The following HACD2 variants were observed in gnomAD, a reference collection of about 807,000 sequenced individuals.
The protein encoded by HACD2 is very-long-chain (3R)-3-hydroxyacyl-CoA dehydratase 2.
Under a neutral mutation model 31.0 loss-of-function variants are expected in HACD2, and 15 were observed. That is an observed-to-expected ratio of 0.48 (90% CI 0.32 to 0.75). The LOEUF is 0.75. HACD2 is among the 30% of genes least tolerant of loss of function. The pLI, the probability that HACD2 is intolerant of heterozygous loss-of-function variation, is 0.03. For synonymous variants in HACD2, 115 were observed against 122.2 expected, an observed-to-expected ratio of 0.94 and a Z score of 0.39; for missense variants, 283 against 313.0, an observed-to-expected ratio of 0.90 and a Z score of 0.72.
chr3:123,552,479 G>C (rs2056629944), intron 3 of HACD2, among the ~76,000 whole-genome samples: 1 of 152,168 alleles, frequency 6.6e-6, no homozygotes, highest in Non-Finnish European at 1.5e-5. Flanking sequence ...TTGCAAACTA[G>C]GGATCTTATA....
chr3:123,558,465 G>A (rs1199603232), intron 3 of HACD2, among the ~76,000 whole-genome samples: 1 of 152,180 alleles, frequency 6.6e-6, no homozygotes, highest in Non-Finnish European at 1.5e-5. Context: ...TACTACTCTG[G>A]TTGGGGATGT....
chr3:123,544,370 AG>A (rs879544162), intron 3 of HACD2, among the ~76,000 whole-genome samples: 1 of 152,216 alleles, frequency 6.6e-6, no homozygotes, highest in African/African-American at 2.4e-5. Context: ...ATGAATGTTC[AG>A]GTACAAGAAG....
At chr3:123,575,724 A>G (rs2056901532) in intron 2 of HACD2, among the ~76,000 whole-genome samples, 1 of 152,228 alleles carries the variant, frequency 6.6e-6, no homozygotes, top group Non-Finnish European at 1.5e-5. Context: ...CAGGAACCTA[A>G]TATTTCCTAC....
intron 4 of HACD2, among the ~76,000 whole-genome samples, chr3:123,516,235 T>A (rs1233699742): frequency 1.1e-4 from 1 of 9,292 alleles, no homozygotes. Context: ...TGCAACATAT[T>A]TTTTTTTTTT....
At chr3:123,515,769 T>G (rs558333784) in intron 4 of HACD2, among the ~76,000 whole-genome samples, 109 of 152,284 alleles carry the variant, frequency 7.2e-4, no homozygotes, top group Non-Finnish European at 1.2e-3. Flanking sequence ...TTTTTGTTTT[T>G]TTTTGAGACG....
At position 123,502,632 on chromosome 3, in the gene HACD2, G is replaced by A. The variant is rs760461596; in HGVS notation, c.431C>T (p.Thr144Met). 3.8e-5 allele frequency: 61 copies of A among 1,607,470 alleles called. No individual in the cohort carries two copies. Among genetic ancestry groups the A allele is most frequent in the Non-Finnish European group, 4.8e-5 (57 of 1,176,920 alleles). ...VLLFVIAWTITEIIRYSFYTF... is the reference protein window; with the variant it reads ...VLLFVIAWTIMEIIRYSFYTF... ...ATAAAAGGAGTAACGGATGATTTCC[G>A]TGATCGTCCATGCAATAACAAACAG... is the stretch of plus-strand genomic sequence containing the variant. Residue 144 changes from threonine (T) to methionine (M), a missense_variant, in exon 5 of 7, where the codon ACG becomes ATG. Physicochemically the swap from Thr to Met is moderately conservative, Grantham distance 81. Transcript: ENST00000383657.
rs1020114561 is a variant in HACD2, at chr3:123,543,827, C to T, written c.293-15353G>A. On this transcript the variant is annotated intron_variant, in intron 3 of 6. Transcript: ENST00000383657. ...TTTTTCTTTTCATTAAAAAGAATTC[C>T]GTTGCTATATTTATAATTTATTTGT... 82 of 187,668 alleles carry T rather than the reference C, an allele frequency of 4.4e-4. 1 individual carries two copies. Among genetic ancestry groups the T allele is most frequent in the Middle Eastern group, 4.4e-3 (8 of 1,836 alleles). The allele number at this position is 187,668 out of a possible 1,614,324, so 11.6% of individuals were successfully genotyped here.
intron 3 of HACD2, among the ~76,000 whole-genome samples, chr3:123,546,914 A>G (rs1031114231): frequency 3.9e-5 from 6 of 152,168 alleles, no homozygotes; most frequent in African/African-American, 1.2e-4. Context: ...TGGTGTAATA[A>G]TTTTTTTCTG....
At chr3:123,573,046 G>C (rs959192683) in intron 2 of HACD2, among the ~76,000 whole-genome samples, 1 of 152,178 alleles carries the variant, frequency 6.6e-6, no homozygotes, top group Non-Finnish European at 1.5e-5. Flanking sequence ...GAGAGGATAC[G>C]CTGAGCTGGG....
At chr3:123,503,081 T>C (rs2055925346) in intron 4 of HACD2, among the ~76,000 whole-genome samples, 1 of 152,062 alleles carries the variant, frequency 6.6e-6, no homozygotes, top group Non-Finnish European at 1.5e-5. Flanking sequence ...CTGGCCAACA[T>C]GGTAACACCC....
intron 2 of HACD2, among the ~76,000 whole-genome samples, chr3:123,569,857 C>T (rs183817653): frequency 1.6e-4 from 24 of 151,906 alleles, no homozygotes; most frequent in African/African-American, 4.3e-4. Flanking sequence ...GGCATAGTGG[C>T]GCATGCCTGT....
intron 3 of HACD2, among the ~76,000 whole-genome samples, chr3:123,541,710 C>G (rs368614957): frequency 2.0e-5 from 3 of 152,070 alleles, no homozygotes; most frequent in African/African-American, 7.2e-5. Context: ...ATAGATAGTT[C>G]AATATAACAA....
At chr3:123,541,525 T>C (rs1301810182) in intron 3 of HACD2, among the ~76,000 whole-genome samples, 3 of 152,128 alleles carry the variant, frequency 2.0e-5, no homozygotes, top group South Asian at 2.1e-4. Flanking sequence ...AAAAAAGGCA[T>C]CCATGGGAAA....
chr3:123,583,120 A>G (rs925334956), intron 1 of HACD2, among the ~76,000 whole-genome samples: 10 of 152,202 alleles, frequency 6.6e-5, no homozygotes, highest in Non-Finnish European at 1.5e-4. Flanking sequence ...ATTTCCAAAA[A>G]CTATCACATA....
At chr3:123,559,370 A>T (rs2056703944) in intron 3 of HACD2, among the ~76,000 whole-genome samples, 1 of 152,238 alleles carries the variant, frequency 6.6e-6, no homozygotes. Flanking sequence ...GAACTACTGT[A>T]CTTGAAATGA....
At chr3:123,536,223 C>T (rs947158223) in intron 3 of HACD2, among the ~76,000 whole-genome samples, 1 of 152,116 alleles carries the variant, frequency 6.6e-6, no homozygotes, top group Admixed American at 6.5e-5. Flanking sequence ...CCCCCATGTC[C>T]TCAGGGTGTA....
At chr3:123,542,063 C>T (rs2056497450) in intron 3 of HACD2, among the ~76,000 whole-genome samples, 2 of 130,900 alleles carry the variant, frequency 1.5e-5, no homozygotes, top group South Asian at 5.1e-4. Context: ...AGGAGAATGG[C>T]GTGAACCCGG....
At chr3:123,514,428 CTA>C (rs1491554103) in intron 4 of HACD2, among the ~76,000 whole-genome samples, 3,735 of 54,984 alleles carry the variant, frequency 0.068, 64 homozygotes, top group Middle Eastern at 0.25. Context: ...AAATTGTTTT[CTA>C]AAAATCACCT....
chr3:123,562,106 C>T (rs1282052698), intron 3 of HACD2, among the ~76,000 whole-genome samples: 1 of 152,220 alleles, frequency 6.6e-6, no homozygotes. Context: ...GCCACCACGA[C>T]TGGCCTATTT....
Sources: gnomAD v4.1 joint callset for allele counts (sites outside exome capture counted in the v4.1 genomes callset) on GRCh38, gnomAD v4.1.1 for gene constraint, MANE v1.5 for transcripts, NCBI Gene and HGNC (gene_info 2026-07-23, HGNC 2026-07-21) for gene names.